CES5A: variants seen among roughly 807,000 people sequenced by gnomAD.
CES5A encodes carboxylesterase 5.
CES5A carries 67 observed loss-of-function variants against 62.9 expected under a neutral mutation model. The observed-to-expected ratio is 1.07, with a 90% CI of 0.88 to 1.31. CES5A has a LOEUF of 1.31. Ranked by LOEUF, CES5A falls within the 50% of genes most tolerant of loss-of-function variation. The pLI is 0.00. For missense variants in CES5A, 748 were observed against 708.5 expected, an observed-to-expected ratio of 1.06 and a Z score of -0.63; for synonymous variants, 296 against 280.8, an observed-to-expected ratio of 1.05 and a Z score of -0.54.
intron 1 of CES5A, among the ~76,000 whole-genome samples, chr16:55,923,961 A>C (rs1252115666): frequency 2.6e-5 from 4 of 151,948 alleles, no homozygotes; most frequent in African/African-American, 7.2e-5. Context: ...TTAAGTTCAT[A>C]CTGAATGGGA....
At chr16:55,921,994 A>T (rs1458205504) in intron 1 of CES5A, among the ~76,000 whole-genome samples, 1 of 152,022 alleles carries the variant, frequency 6.6e-6, no homozygotes, top group Non-Finnish European at 1.5e-5. Context: ...TCTATAAGAT[A>T]TTTTTTGTAA....
chr16:55,874,378 C>T (rs1420056045), intron 1 of CES5A, among the ~76,000 whole-genome samples: 4 of 152,100 alleles, frequency 2.6e-5, no homozygotes, highest in Non-Finnish European at 5.9e-5. Flanking sequence ...CCTGGGATGC[C>T]ACAAACTCAT....
Position 55,873,939 on chromosome 16 carries a change from G to A in CES5A, c.172C>T (p.Leu58Phe), listed in dbSNP as rs771112280. The A allele has an allele frequency of 3.0e-5, 49 of 1,613,708 alleles. No homozygotes were observed. The Admixed American group carries it at 8.2e-4, about 27-fold the overall frequency. ...LGSPVPVNVF[L>F]GVPFAAPPLG... ...GGGGGAGCAGCAAAGGGGACTCCGA[G>A]GAACACGTTCACAGGCACAGGGCTT... Residue 58 changes from leucine (L) to phenylalanine (F), a missense_variant, in exon 2 of 13, where the codon CTC (leucine) becomes TTC (phenylalanine). Physicochemically the swap from Leu to Phe is conservative, Grantham distance 22. Transcript: ENST00000290567.
upstream of CES5A, among the ~76,000 whole-genome samples, chr16:55,927,577 G>T (rs2034270682): frequency 6.6e-6 from 1 of 152,110 alleles, no homozygotes; most frequent in Admixed American, 6.6e-5. Context: ...ATATCACCTT[G>T]CCCCGGTCAA....
chr16:55,863,471 A>G lies in CES5A; in HGVS notation c.706-19T>C, dbSNP rs1352966282. The G allele has an allele frequency of 3.1e-6, 4 of 1,303,902 alleles. No individual in the cohort carries two copies. Among genetic ancestry groups the G allele is most frequent in the Non-Finnish European group, 4.5e-6 (4 of 898,570 alleles). 80.8% of individuals were successfully genotyped at this position (1,303,902 alleles called of 1,614,324 possible). ...ACAGTATCTGGAGAGAGAACACAGA[A>G]GACCCAGGAAAGGTTACTCCCCACC... On this transcript the variant is annotated intron_variant, in intron 5 of 12. Transcript: ENST00000290567.
intron 2 of CES5A, among the ~76,000 whole-genome samples, chr16:55,937,061 TACC>T (rs1166227455): frequency 6.6e-6 from 1 of 152,066 alleles, no homozygotes. Context: ...GTAAGACAAA[TACC>T]ACAAGAAAAG....
At chr16:55,857,009 G>A (rs1701055834) in intron 8 of CES5A, among the ~76,000 whole-genome samples, 1 of 152,282 alleles carries the variant, frequency 6.6e-6, no homozygotes, top group African/African-American at 2.4e-5. Context: ...CTGCCTGAGA[G>A]GCCCCAACTT....
chr16:55,924,270 G>A (rs1320639342), intron 1 of CES5A, among the ~76,000 whole-genome samples: 2 of 151,816 alleles, frequency 1.3e-5, no homozygotes, highest in African/African-American at 4.8e-5. Context: ...AATTAAATAT[G>A]CCAATAGCAA....
intron 10 of CES5A, 100 bp from the exon 11 acceptor site, chr16:55,849,873 G>A: frequency 7.6e-7 from 1 of 1,317,568 alleles, no homozygotes; most frequent in Non-Finnish European, 1.0e-6. Context: ...AGACCCAGGG[G>A]TGGGACAGCT....
Position 55,871,755 on chromosome 16 carries a change from T to C in CES5A, c.287A>G (p.Gln96Arg), listed in dbSNP as rs1284535562. The C allele has an allele frequency of 1.2e-6, 2 of 1,614,002 alleles. No individual in the cohort carries two copies. The highest frequency in any genetic ancestry group is 1.7e-6 in the Non-Finnish European group (2 of 1,179,936). Residue 96 changes from glutamine (Q) to arginine (R), a missense_variant, in exon 3 of 13, where the codon CAG becomes CGG. Physicochemically the swap from Gln to Arg is conservative, Grantham distance 43. Coordinates refer to ENST00000290567, the MANE Select transcript of CES5A (RefSeq NM_001143685.2). ...ATCTAAGAGCAGCCACTCTGAGTTCTGGAGGCACCTTGGAGAAGGAGAGGA... is the reference window on the plus strand; with the variant it reads ...ATCTAAGAGCAGCCACTCTGAGTTCCGGAGGCACCTTGGAGAAGGAGAGGA... The part of the protein sequence containing the change: ...EATSYPNLCL[Q>R]NSEWLLLDQH...
intron 1 of CES5A, among the ~76,000 whole-genome samples, chr16:55,954,069 C>A (rs751197516): frequency 7.9e-5 from 12 of 152,098 alleles, no homozygotes; most frequent in South Asian, 2.1e-4. Context: ...CCTCTGGTAA[C>A]CATCATTCTA....
chr16:55,892,557 A>G (rs2033891531), intron 1 of CES5A, among the ~76,000 whole-genome samples: 4 of 152,212 alleles, frequency 2.6e-5, no homozygotes, highest in Admixed American at 1.3e-4. Flanking sequence ...TTTACCACAT[A>G]AAAAATGCCT....
chr16:55,920,111 G>A (rs1318068319), intron 1 of CES5A, among the ~76,000 whole-genome samples: 1 of 152,144 alleles, frequency 6.6e-6, no homozygotes, highest in African/African-American at 2.4e-5. Flanking sequence ...TCAAAGATGA[G>A]GATGAGATAG....
In CES5A at chr16:55,912,236, G is replaced by T. The variant is rs138443105; in HGVS notation, c.-256+13087C>A. ...CGTCAGTGTCAGTTGCCTAGCAACT[G>T]CCTTTGGCAGATGGTGGCACTGAGT... is the stretch of plus-strand genomic sequence containing the variant. On this transcript the variant is annotated intron_variant, in intron 1 of 12. Transcript: ENST00000518005. Among the ~76,000 whole-genome samples, 805 of 152,328 alleles carry T rather than the reference G, an allele frequency of 5.3e-3. 7 individuals are homozygous for T. Among genetic ancestry groups the T allele is most frequent in the Non-Finnish European group, 7.6e-3 (519 of 68,032 alleles).
intron 2 of CES5A, chr16:55,944,202 G>A (rs2034471589): frequency 1.5e-6 from 1 of 684,636 alleles, no homozygotes; most frequent in African/African-American, 1.8e-5. Flanking sequence ...TCCATCAATA[G>A]CTGACAGTAC....
At chr16:55,953,586 C>T (rs1247763221) in intron 1 of CES5A, among the ~76,000 whole-genome samples, 2 of 152,036 alleles carry the variant, frequency 1.3e-5, no homozygotes, top group Non-Finnish European at 2.9e-5. Context: ...AGGCAAATTT[C>T]ATAAGAAATG....
chr16:55,946,227 G>A (rs957910351), intron 2 of CES5A, among the ~76,000 whole-genome samples: 1 of 152,132 alleles, frequency 6.6e-6, no homozygotes, highest in Non-Finnish European at 1.5e-5. Flanking sequence ...CATTTGGAAG[G>A]TGTAATGTTC....
intron 11 of CES5A, among the ~76,000 whole-genome samples, chr16:55,849,166 C>T (rs554019776): frequency 2.6e-5 from 4 of 152,190 alleles, no homozygotes; most frequent in South Asian, 4.2e-4. Flanking sequence ...GAGCTAACAT[C>T]ACAAGTAACA....
chr16:55,890,873 A>G (rs1238918250), intron 1 of CES5A, among the ~76,000 whole-genome samples: 1 of 152,216 alleles, frequency 6.6e-6, no homozygotes, highest in African/African-American at 2.4e-5. Flanking sequence ...CTTGTTAGAC[A>G]TGAGTTCTAA....
Sources: allele counts gnomAD v4.1 joint callset (sites outside exome capture counted in the v4.1 genomes callset), GRCh38; gene constraint gnomAD v4.1.1; transcripts MANE v1.5; gene names NCBI Gene and HGNC (gene_info 2026-07-23, HGNC 2026-07-21).